The following RAI1 variants were observed in gnomAD, a reference collection of about 807,000 sequenced individuals.
The protein encoded by RAI1 is retinoic acid-induced protein 1.
In RAI1, 9 loss-of-function variants were observed where a neutral mutation model predicts 123.8. The ratio of observed to expected loss-of-function variants is 0.07; its 90% CI spans 0.04 to 0.13. RAI1 has a LOEUF of 0.13. RAI1 is among the 10% of genes least tolerant of loss of function. The probability of loss-of-function intolerance (pLI) is 1.00; values close to 1 mark genes in which losing one functional copy is unlikely to be tolerated. For synonymous variants in RAI1, 1,231 were observed against 1,127.3 expected (o/e 1.09, Z -1.84); for missense variants, 2,256 against 2,545.8 (o/e 0.89, Z 2.45).
chr17:17,751,319 C>T (rs942766403), intron 2 of RAI1, among the ~76,000 whole-genome samples: 1 of 152,168 alleles, frequency 6.6e-6, no homozygotes, highest in Non-Finnish European at 1.5e-5. Flanking sequence ...GGCAGAGGGG[C>T]CTGTGCAAAG....
chr17:17,751,036 A>G (rs1007418492), intron 2 of RAI1, among the ~76,000 whole-genome samples: 3 of 152,242 alleles, frequency 2.0e-5, no homozygotes, highest in African/African-American at 7.2e-5. Context: ...GCTAGTAACC[A>G]TTAGCCGTCG....
chr17:17,798,366 G>A lies in RAI1; in HGVS notation c.5418G>A (p.Glu1806=). The stretch of plus-strand genomic sequence containing the variant: ...CAGCCGACAAGGGTCGCAAACATGA[G>A]TGCAGCAAGGAGGCTCCGGCAGAGC... ...AAPADKGRKH[E]CSKEAPAEPG... Residue 1806 remains glutamate (E), a synonymous_variant, in exon 3 of 6, where the codon GAG becomes GAA. Coordinates refer to ENST00000353383, the MANE Select transcript of RAI1 (RefSeq NM_030665.4). The A allele has an allele frequency of 7.5e-6, 12 of 1,608,372 alleles. No homozygotes were observed. The highest frequency in any genetic ancestry group is 1.0e-5 in the Non-Finnish European group (12 of 1,177,720).
intron 2 of RAI1, among the ~76,000 whole-genome samples, chr17:17,741,390 C>T (rs968669296): frequency 1.3e-5 from 2 of 152,214 alleles, no homozygotes; most frequent in African/African-American, 4.8e-5. Context: ...CCCTCCCGGG[C>T]CCCTCCATCA....
intron 2 of RAI1, among the ~76,000 whole-genome samples, chr17:17,748,110 T>G (rs2029997425): frequency 1.3e-5 from 2 of 152,204 alleles, no homozygotes; most frequent in Admixed American, 1.3e-4. Flanking sequence ...GAAAGGCATG[T>G]CTTACATGGT....
chr17:17,686,611 A>C (rs867211521), intron 1 of RAI1, among the ~76,000 whole-genome samples: 1 of 67,652 alleles, frequency 1.5e-5, no homozygotes. Context: ...GTGTGTGTGC[A>C]CGCGCGCGCC....
At chr17:17,753,774 T>TC in intron 2 of RAI1, among the ~76,000 whole-genome samples, 1 of 152,336 alleles carries the variant, frequency 6.6e-6, no homozygotes, top group Admixed American at 6.5e-5. Flanking sequence ...GATATCTGTG[T>TC]CTCAGAACAC....
At chr17:17,694,651 C>T (rs945485816) in intron 1 of RAI1, among the ~76,000 whole-genome samples, 1 of 151,726 alleles carries the variant, frequency 6.6e-6, no homozygotes, top group African/African-American at 2.4e-5. Flanking sequence ...CCATCTTGGC[C>T]GCGCCGGAGC....
chr17:17,713,803 T>C (rs961592866), intron 1 of RAI1, among the ~76,000 whole-genome samples: 6 of 152,212 alleles, frequency 3.9e-5, no homozygotes, highest in Admixed American at 2.0e-4. Context: ...AAAGACTTTG[T>C]GACTAGGGCC....
At chr17:17,721,058 C>A (rs1915866643) in intron 1 of RAI1, among the ~76,000 whole-genome samples, 1 of 151,894 alleles carries the variant, frequency 6.6e-6, no homozygotes, top group Non-Finnish European at 1.5e-5. Context: ...ACTGAGCGAC[C>A]TGGAATCTGT....
intron 1 of RAI1, among the ~76,000 whole-genome samples, chr17:17,697,325 G>A (rs969966011): frequency 6.6e-6 from 1 of 152,240 alleles, no homozygotes; most frequent in Non-Finnish European, 1.5e-5. Context: ...AACAGTCCTG[G>A]CCGAGGGGCA....
chr17:17,809,516 C>A lies in RAI1; in HGVS notation c.5709+77C>A. 6.9e-7 allele frequency: 1 copy of A among 1,442,258 alleles called. No homozygotes were observed. The highest frequency in any genetic ancestry group is 1.1e-5 in the South Asian group (1 of 87,634). The allele number at this position is 1,442,258 out of a possible 1,614,324, so 89.3% of individuals were successfully genotyped here. On this transcript the variant is annotated intron_variant, in intron 5 of 5. Coordinates refer to ENST00000353383, the MANE Select transcript of RAI1 (RefSeq NM_030665.4). The surrounding 1 kb of genome is among the most constrained non-coding windows in gnomAD (Gnocchi z 4.9). ...CCCCACCTCGCACCTCCTTCACAGT[C>A]CCCTGGGCCCCCTTGGCTGCGCAGC... is the stretch of plus-strand genomic sequence containing the variant.
At chr17:17,782,053 G>C (rs1337278159) in intron 2 of RAI1, 1 of 152,222 alleles carries the variant, frequency 6.6e-6, no homozygotes, top group African/African-American at 2.4e-5. Context: ...GGACGACAGC[G>C]CCGGGCTCCC....
At chr17:17,741,972 TCTTTTGG>T (rs1329947785) in intron 2 of RAI1, among the ~76,000 whole-genome samples, 84 of 152,240 alleles carry the variant, frequency 5.5e-4, no homozygotes, top group Non-Finnish European at 4.4e-5. Flanking sequence ...ACATTTCAGC[TCTTTTGG>T]CTTTTGGCAA....
At chr17:17,759,701 A>G (rs1371967926) in intron 2 of RAI1, among the ~76,000 whole-genome samples, 2 of 152,150 alleles carry the variant, frequency 1.3e-5, no homozygotes, top group African/African-American at 4.8e-5. Flanking sequence ...GCTGACCTAG[A>G]ATGTTCGGTG....
At chr17:17,682,345 G>C (rs946848705) in intron 1 of RAI1, 2 of 150,544 alleles carry the variant, frequency 1.3e-5, no homozygotes, top group East Asian at 4.0e-4. Context: ...GTCCCTACCC[G>C]GGCAGCGGCC....
At chr17:17,802,419 T>C (rs1025992390) in intron 3 of RAI1, among the ~76,000 whole-genome samples, 5 of 152,146 alleles carry the variant, frequency 3.3e-5, no homozygotes, top group African/African-American at 9.7e-5. Context: ...TTGCCTGGAA[T>C]GGGAGCCTCA....
intron 2 of RAI1, among the ~76,000 whole-genome samples, chr17:17,783,172 T>G (rs965481489): frequency 5.9e-5 from 9 of 151,916 alleles, no homozygotes; most frequent in Admixed American, 2.6e-4. Context: ...TCCTCTCTCC[T>G]GGCGCCTGCA....
intron 1 of RAI1, among the ~76,000 whole-genome samples, chr17:17,698,266 C>T (rs914700733): frequency 2.1e-4 from 32 of 152,198 alleles, no homozygotes; most frequent in Non-Finnish European, 4.3e-4. Flanking sequence ...CTGGGTGGCT[C>T]ATGGCAGGCT....
chr17:17,698,599 C>A (rs977869485), intron 1 of RAI1, among the ~76,000 whole-genome samples: 3 of 152,204 alleles, frequency 2.0e-5, no homozygotes, highest in Non-Finnish European at 2.9e-5. Flanking sequence ...GGGCCAGCCT[C>A]AGGGTCAGGA....
Sources: gnomAD v4.1 joint callset for allele counts (sites outside exome capture counted in the v4.1 genomes callset) on GRCh38, gnomAD v4.1.1 for gene constraint, Gnocchi (gnomAD v3.1) non-coding constraint, MANE v1.5 for transcripts, NCBI Gene and HGNC (gene_info 2026-07-23, HGNC 2026-07-21) for gene names.